Variants in FLNB observed in about 807,000 individuals in gnomAD.
FLNB encodes filamin-B.
In FLNB, 111 loss-of-function variants were observed where a neutral mutation model predicts 250.6. The observed-to-expected ratio is 0.44, with a 90% CI of 0.38 to 0.52. The LOEUF is 0.52. Ranked by LOEUF, FLNB falls within the 20% of genes least tolerant of loss-of-function variation. The probability of loss-of-function intolerance (pLI) is 0.00; values close to 1 mark genes in which losing one functional copy is unlikely to be tolerated. For missense variants in FLNB, 2,869 were observed against 3,447.8 expected (o/e 0.83, Z 4.20); for synonymous variants, 1,302 against 1,372.1 (o/e 0.95, Z 1.13).
In FLNB at chr3:58,159,566, A is replaced by G; in HGVS notation, c.6901A>G (p.Lys2301Glu). 1.2e-6 allele frequency: 2 copies of G among 1,614,176 alleles called. No homozygotes were observed. The highest frequency in any genetic ancestry group is 1.7e-6 in the Non-Finnish European group (2 of 1,180,034). Residue 2301 changes from lysine (K) to glutamate (E), a missense_variant, in exon 42 of 46, where the codon AAA becomes GAA. Lys to Glu is a moderately conservative substitution (Grantham distance 56). This residue lies in a region of FLNB where 1,084 missense variants were observed against 1,315.5 expected (regional missense o/e 0.82). Transcript: ENST00000295956. ...TVMSLQESGL[K>E]VNQPASFAIR... ...ATTAAATTCTCAGGAATCGGGATTAAAAGTTAACCAGCCAGCATCCTTTGC... is the reference window on the plus strand; with the variant it reads ...ATTAAATTCTCAGGAATCGGGATTAGAAGTTAACCAGCCAGCATCCTTTGC...
chr3:58,098,551 T>A (rs2097243149), intron 7 of FLNB, among the ~76,000 whole-genome samples, 160 bp from the exon 8 acceptor site: 1 of 152,186 alleles, frequency 6.6e-6, no homozygotes, highest in Admixed American at 6.5e-5. Flanking sequence ...CAGGCTGGTC[T>A]CGAAATCCTG....
At chr3:58,019,115 C>T (rs571694979) in intron 1 of FLNB, among the ~76,000 whole-genome samples, 54 of 152,062 alleles carry the variant, frequency 3.6e-4, no homozygotes, top group Admixed American at 8.5e-4. Context: ...CTAGCCTGGG[C>T]GACAGAGTGA....
At chr3:58,078,543 T>C (rs1342928016) in intron 2 of FLNB, 174 bp from the exon 3 acceptor site, 2 of 1,535,826 alleles carry the variant, frequency 1.3e-6, no homozygotes, top group African/African-American at 2.7e-5. Context: ...GTTTACACCC[T>C]GGCACACTCA....
intron 1 of FLNB, among the ~76,000 whole-genome samples, chr3:58,044,346 C>G (rs1413360281): frequency 1.3e-5 from 2 of 152,124 alleles, no homozygotes; most frequent in African/African-American, 4.8e-5. Flanking sequence ...CCTCTATACC[C>G]AGCACTTTGA....
At chr3:58,083,414 T>C (rs1013538210) in intron 4 of FLNB, among the ~76,000 whole-genome samples, 1 of 147,650 alleles carries the variant, frequency 6.8e-6, no homozygotes, top group Non-Finnish European at 1.5e-5. Context: ...TCGCCCAGGC[T>C]GGAGTGCAGT....
intron 18 of FLNB, among the ~76,000 whole-genome samples, chr3:58,118,385 G>C (rs1281200508): frequency 1.3e-5 from 2 of 152,204 alleles, no homozygotes; most frequent in Non-Finnish European, 2.9e-5. Flanking sequence ...AGCTGCACTG[G>C]CTGGCACTGG....
chr3:58,008,900 C>T (rs1172318106), intron 1 of FLNB, 44 bp downstream of exon 1: 2 of 1,609,530 alleles, frequency 1.2e-6, no homozygotes, highest in East Asian at 4.5e-5. Context: ...TGGTGCCGAC[C>T]CGCCCCCGCG....
chr3:58,043,764 A>G (rs1287675866), intron 1 of FLNB, among the ~76,000 whole-genome samples: 1 of 152,172 alleles, frequency 6.6e-6, no homozygotes, highest in Non-Finnish European at 1.5e-5. Context: ...ATTTGCTATT[A>G]GACTCCTTGA....
rs966179429 is a variant in FLNB at position 58,108,631 on chromosome 3, A to T, written c.2055+60A>T. 5.7e-6 allele frequency: 6 copies of T among 1,050,110 alleles called. No individual in the cohort carries two copies. The Admixed American group carries it at 1.0e-4, about 18-fold the overall frequency. The allele number at this position is 1,050,110 out of a possible 1,614,324, so 65.0% of individuals were successfully genotyped here. A position where few individuals can be genotyped will look rare whatever the true frequency, so the allele number is the denominator to read the frequency against. On this transcript the variant is annotated intron_variant, in intron 13 of 45. Coordinates refer to ENST00000295956, the MANE Select transcript of FLNB (RefSeq NM_001457.4). ...TCAGGTAACAAGATCTGACCACGTAATGGCAAGTTGCTGAGTCCATCTGAT... is the reference window on the plus strand; with the variant it reads ...TCAGGTAACAAGATCTGACCACGTATTGGCAAGTTGCTGAGTCCATCTGAT...
In FLNB at chr3:58,138,587, C is replaced by T. The variant is rs1389357660; in HGVS notation, c.5109+58C>T. ...TATTGGTGGAAACTGTAACAGCTGC[C>T]GTTTGTTGAACCCTGACTAGGATAT... is the stretch of plus-strand genomic sequence containing the variant. On this transcript the variant is annotated intron_variant, in intron 29 of 45. Transcript: ENST00000295956. 5.6e-6 allele frequency: 9 copies of T among 1,607,600 alleles called. No individual in the cohort carries two copies. In the East Asian group the frequency reaches 1.1e-4, roughly 20 times the overall value.
chr3:58,025,112 T>C (rs149599666), intron 1 of FLNB, among the ~76,000 whole-genome samples: 6 of 136,560 alleles, frequency 4.4e-5, no homozygotes, highest in African/African-American at 1.2e-4. Flanking sequence ...TTTTCTTTTT[T>C]CTTTTCTTCT....
intron 1 of FLNB, among the ~76,000 whole-genome samples, chr3:58,050,631 A>G (rs764576937): frequency 3.3e-5 from 5 of 152,188 alleles, no homozygotes; most frequent in Non-Finnish European, 7.3e-5. Flanking sequence ...GTGAGGACTC[A>G]TGGGTGAGCA....
Position 58,107,671 on chromosome 3 carries a change from T to C in FLNB, c.1942-787T>C, listed in dbSNP as rs79051415. Among the ~76,000 whole-genome samples, 17 of 152,338 alleles carry C rather than the reference T, an allele frequency of 1.1e-4. No individual in the cohort carries two copies. The East Asian group carries it at 3.3e-3, about 29-fold the overall frequency. On this transcript the variant is annotated intron_variant, in intron 12 of 45. Transcript: ENST00000295956. ...CCGTGTCTCTTAAGTTGGAGCAATGTTTCCAAGAGTGTCCTCTCAAACCCT... is the reference window on the plus strand; with the variant it reads ...CCGTGTCTCTTAAGTTGGAGCAATGCTTCCAAGAGTGTCCTCTCAAACCCT...
chr3:58,148,609 C>A, intron 35 of FLNB, 40 bp from the exon 36 acceptor site: 1 of 1,548,118 alleles, frequency 6.5e-7, no homozygotes, highest in Non-Finnish European at 8.9e-7. Context: ...GCTTCCTCTC[C>A]GCCATCCCCT....
chr3:58,147,194 C>T lies in FLNB; in HGVS notation c.5728+201C>T, dbSNP rs373438797. On this transcript the variant is annotated intron_variant, in intron 34 of 45. Coordinates refer to ENST00000295956, the MANE Select transcript of FLNB (RefSeq NM_001457.4). ...CTCTTGCTGATAATCCAGGAAAATG[C>T]GAGAGCTAGTATTTGGAGCACACTT... is the stretch of plus-strand genomic sequence containing the variant. Among the ~76,000 whole-genome samples, 47 of 152,310 alleles carry T rather than the reference C, an allele frequency of 3.1e-4. No homozygotes were observed. The South Asian group carries it at 3.9e-3, about 13-fold the overall frequency.
In FLNB at chr3:58,049,394, C is replaced by T. The variant is rs115032985; in HGVS notation, c.293-27652C>T. ...GGGTGGGGGTTAGATGAGTAATTAG[C>T]TGAATATGACCTCACCCATGAAGAA... is the stretch of plus-strand genomic sequence containing the variant. On this transcript the variant is annotated intron_variant, in intron 1 of 45. Transcript: ENST00000295956. Among the ~76,000 whole-genome samples the T allele has an allele frequency of 5.2e-3, 784 of 152,200 alleles. 2 individuals are homozygous for T. Among genetic ancestry groups the T allele is most frequent in the Non-Finnish European group, 7.8e-3 (528 of 68,010 alleles).
chr3:58,008,932 A>G, intron 1 of FLNB, 76 bp downstream of exon 1: 2 of 1,560,574 alleles, frequency 1.3e-6, no homozygotes, highest in East Asian at 2.2e-5. Context: ...GCGGAGGGCG[A>G]GGATTTCCCG....
rs540225694 is a variant in FLNB, at chr3:58,044,558, G to A, written c.293-32488G>A. Among the ~76,000 whole-genome samples the A allele has an allele frequency of 4.3e-4, 65 of 152,326 alleles. No individual in the cohort carries two copies. The South Asian group carries it at 0.013, about 30-fold the overall frequency. ...GAGGATTGCTTGAGCCTGGCGGGTCGAGGTTGCAGCAAGCTGTGATCACAC... is the reference window on the plus strand; with the variant it reads ...GAGGATTGCTTGAGCCTGGCGGGTCAAGGTTGCAGCAAGCTGTGATCACAC... On this transcript the variant is annotated intron_variant, in intron 1 of 45. Coordinates refer to ENST00000295956, the MANE Select transcript of FLNB (RefSeq NM_001457.4).
chr3:58,065,084 G>T (rs1027939420), intron 1 of FLNB, among the ~76,000 whole-genome samples: 1 of 152,152 alleles, frequency 6.6e-6, no homozygotes, highest in Non-Finnish European at 1.5e-5. Context: ...TGTGGTAGAG[G>T]CCGAGTCAGT....
Sources: gnomAD v4.1 joint callset for allele counts (sites outside exome capture counted in the v4.1 genomes callset) on GRCh38, gnomAD v4.1.1 for gene constraint, gnomAD v4.1.1 regional missense constraint, MANE v1.5 for transcripts, NCBI Gene and HGNC (gene_info 2026-07-23, HGNC 2026-07-21) for gene names.